Variants in POU2F3 observed in about 807,000 individuals in gnomAD.
POU2F3 encodes the protein POU domain, class 2, transcription factor 3.
POU2F3 carries 23 observed loss-of-function variants against 59.2 expected under a neutral mutation model. That is an observed-to-expected ratio of 0.39 (90% confidence interval 0.28 to 0.55). POU2F3 has a LOEUF of 0.55. Among genes scored for constraint, POU2F3 ranks in the 20% least tolerant of loss-of-function variants. POU2F3 has a pLI of 0.66. For synonymous variants in POU2F3, 190 were observed against 214.6 expected (o/e 0.89, Z 1.00); for missense variants, 473 against 544.5 (o/e 0.87, Z 1.31).
intron 2 of POU2F3, among the ~76,000 whole-genome samples, chr11:120,258,359 T>G (rs1361164266): frequency 1.3e-5 from 2 of 152,108 alleles, no homozygotes; most frequent in Non-Finnish European, 2.9e-5. Flanking sequence ...TTTAAAGAAC[T>G]CCATGGGCTG....
Position 120,246,514 on chromosome 11 carries a change from C to A in POU2F3, c.94C>A (p.Pro32Thr), listed in dbSNP as rs749385557. The change falls in exon 2 of 13, where the codon CCA becomes ACA. Residue 32 changes from proline to threonine, a missense_variant. Pro to Thr is a conservative substitution (Grantham distance 38, BLOSUM62 -1). Coordinates refer to ENST00000543440, the MANE Select transcript of POU2F3 (RefSeq NM_014352.4). Reference protein sequence around the residue: ...DARSTLSQVEPGNDRNGLDFN... With the variant: ...DARSTLSQVETGNDRNGLDFN... ...TCGCAGCACTCTCAGCCAGGTGGAGCCAGGTAAGGGTCTTCTCTTCTCGGG... is the reference window on the plus strand; with the variant it reads ...TCGCAGCACTCTCAGCCAGGTGGAGACAGGTAAGGGTCTTCTCTTCTCGGG... 13 of 1,613,310 alleles carry A rather than the reference C, an allele frequency of 8.1e-6. No individual in the cohort carries two copies. The South Asian group carries it at 1.4e-4, about 18-fold the overall frequency.
chr11:120,291,486 C>T (rs1941017980), intron 3 of POU2F3, among the ~76,000 whole-genome samples: 1 of 152,144 alleles, frequency 6.6e-6, no homozygotes. Context: ...GTTCTGATGG[C>T]GAAGGAAGGC....
intron 3 of POU2F3, among the ~76,000 whole-genome samples, chr11:120,276,861 C>T (rs1270018725): frequency 6.6e-6 from 1 of 151,968 alleles, no homozygotes; most frequent in Non-Finnish European, 1.5e-5. Flanking sequence ...TGAAAGCACC[C>T]TCCTGGCCGG....
intron 2 of POU2F3, among the ~76,000 whole-genome samples, chr11:120,254,420 G>A (rs942369899): frequency 6.6e-6 from 1 of 152,198 alleles, no homozygotes; most frequent in African/African-American, 2.4e-5. Flanking sequence ...GCTTGAGGAA[G>A]TTTGTGAAAC....
chr11:120,295,152 G>T (rs1287462315), intron 3 of POU2F3, among the ~76,000 whole-genome samples: 1 of 152,192 alleles, frequency 6.6e-6, no homozygotes, highest in African/African-American at 2.4e-5. Flanking sequence ...ATGAAAGGGT[G>T]CGTTTTCTTT....
rs372727311 is a variant in POU2F3 at position 120,252,162 on chromosome 11, C to T, written c.97+5645C>T. 1.0e-3 allele frequency among the ~76,000 whole-genome samples: 156 copies of T among 151,728 alleles called. 1 individual carries two copies. In the Middle Eastern group the frequency reaches 0.017, roughly 17 times the overall value. On this transcript the variant is annotated intron_variant, in intron 2 of 12. Transcript: ENST00000543440. ...GTCCTTTCTTATCTCTCACCTAAGACCCTCATGCTGCTGCATAAGCCCATT... is the reference window on the plus strand; with the variant it reads ...GTCCTTTCTTATCTCTCACCTAAGATCCTCATGCTGCTGCATAAGCCCATT...
At chr11:120,294,553 T>C (rs1345110256) in intron 3 of POU2F3, among the ~76,000 whole-genome samples, 5 of 152,248 alleles carry the variant, frequency 3.3e-5, no homozygotes, top group Non-Finnish European at 7.3e-5. Flanking sequence ...TCTCTCTATC[T>C]CATCTTCCAG....
chr11:120,260,078 T>C (rs1939527282), intron 2 of POU2F3, among the ~76,000 whole-genome samples: 1 of 152,164 alleles, frequency 6.6e-6, no homozygotes, highest in Admixed American at 6.5e-5. Context: ...TACTGGAAAG[T>C]AGAGCTGGTG....
At chr11:120,300,055 G>A (rs552478172) in intron 5 of POU2F3, among the ~76,000 whole-genome samples, 1 of 152,172 alleles carries the variant, frequency 6.6e-6, no homozygotes, top group African/African-American at 2.4e-5. Flanking sequence ...GGGAAATGCA[G>A]TACAGACAAG....
At chr11:120,281,439 C>T (rs7105395) in intron 3 of POU2F3, among the ~76,000 whole-genome samples, 24,664 of 151,412 alleles carry the variant, frequency 0.16, 3,361 homozygotes, top group African/African-American at 0.38. Flanking sequence ...GGGCTGTGCT[C>T]ACTACAGGTC....
chr11:120,287,360 G>GTTTAATAA (rs1940820091), intron 3 of POU2F3, among the ~76,000 whole-genome samples: 2 of 152,156 alleles, frequency 1.3e-5, no homozygotes, highest in Admixed American at 6.5e-5. Flanking sequence ...ACTAAGTGAT[G>GTTTAATAA]GACATTATGC....
At chr11:120,306,829 G>A (rs1409707610) in intron 8 of POU2F3, among the ~76,000 whole-genome samples, 1 of 152,190 alleles carries the variant, frequency 6.6e-6, no homozygotes, top group Non-Finnish European at 1.5e-5. Flanking sequence ...CCCTTAGACA[G>A]CCTTTATGGA....
At chr11:120,312,350 T>G (rs1941671530) in intron 10 of POU2F3, among the ~76,000 whole-genome samples, 1 of 152,178 alleles carries the variant, frequency 6.6e-6, no homozygotes, top group African/African-American at 2.4e-5. Flanking sequence ...CTTGAACTCC[T>G]GACTTCAGGT....
chr11:120,298,195 C>T (rs1021551882), intron 3 of POU2F3, 70 bp from the exon 4 acceptor site: 4 of 1,518,098 alleles, frequency 2.6e-6, no homozygotes, highest in Non-Finnish European at 3.6e-6. Flanking sequence ...CCTGGATCTT[C>T]CTGCCATTTC....
intron 12 of POU2F3, among the ~76,000 whole-genome samples, chr11:120,318,027 C>A (rs1182668116): frequency 6.6e-6 from 1 of 152,146 alleles, no homozygotes; most frequent in Non-Finnish European, 1.5e-5. Flanking sequence ...TTCTTATTGG[C>A]CAATTGTTGC....
At chr11:120,280,733 TC>T (rs897899611) in intron 3 of POU2F3, among the ~76,000 whole-genome samples, 3 of 152,168 alleles carry the variant, frequency 2.0e-5, no homozygotes, top group Non-Finnish European at 2.9e-5. Context: ...CCAGTACTTT[TC>T]CATGTTTCCA....
At chr11:120,292,441 G>T (rs559094856) in intron 3 of POU2F3, among the ~76,000 whole-genome samples, 6 of 152,146 alleles carry the variant, frequency 3.9e-5, no homozygotes, top group Non-Finnish European at 8.8e-5. Flanking sequence ...CAGCCACTGG[G>T]CTTGGAAACA....
chr11:120,277,646 G>C lies in POU2F3; in HGVS notation c.132+8402G>C, dbSNP rs564696582. 1.1e-4 allele frequency among the ~76,000 whole-genome samples: 16 copies of C among 152,232 alleles called. No homozygotes were observed. In the South Asian group the frequency reaches 3.3e-3, roughly 32 times the overall value. ...CAAAAAAAAAAATTAGCCGGGCGCAGTGGCTTATGCCTGTAGACCCAGCTA... is the reference window on the plus strand; with the variant it reads ...CAAAAAAAAAAATTAGCCGGGCGCACTGGCTTATGCCTGTAGACCCAGCTA... On this transcript the variant is annotated intron_variant, in intron 3 of 12. Transcript: ENST00000543440.
At chr11:120,272,962 GC>G (rs1940143144) in intron 3 of POU2F3, among the ~76,000 whole-genome samples, 1 of 152,168 alleles carries the variant, frequency 6.6e-6, no homozygotes, top group Non-Finnish European at 1.5e-5. Context: ...GCTGTCTGAG[GC>G]CCCAAACAGT....
Sources: gnomAD v4.1 joint callset for allele counts (sites outside exome capture counted in the v4.1 genomes callset) on GRCh38, gnomAD v4.1.1 for gene constraint, MANE v1.5 for transcripts, NCBI Gene and HGNC (gene_info 2026-07-23, HGNC 2026-07-21) for gene names.